The following PCDH15 variants were observed in gnomAD, a reference collection of about 807,000 sequenced individuals.
PCDH15 encodes the protein protocadherin related 15.
In PCDH15, 129 loss-of-function variants were observed where a neutral mutation model predicts 178.5. That is an observed-to-expected ratio of 0.72 (90% CI 0.63 to 0.84). The LOEUF (loss-of-function observed/expected upper bound fraction) is 0.84. Ranked by LOEUF, PCDH15 falls within the 40% of genes least tolerant of loss-of-function variation. The probability of loss-of-function intolerance (pLI) is 0.00; values close to 1 mark genes in which losing one functional copy is unlikely to be tolerated. For missense variants in PCDH15, 2,230 were observed against 2,099.9 expected, an observed-to-expected ratio of 1.06 and a Z score of -1.21; for synonymous variants, 800 against 732.0, an observed-to-expected ratio of 1.09 and a Z score of -1.50.
At position 54,922,005 on chromosome 10, in the gene PCDH15, T is replaced by C. The variant is rs115608692; in HGVS notation, c.-79-24505A>G. On this transcript the variant is annotated intron_variant, in intron 2 of 5. Transcript: ENST00000458638. ...TGAAAACTCACTCACTATCATGAGA[T>C]GAGCAAGAAGAAAATCCTAACCCAT... 7.9e-3 allele frequency among the ~76,000 whole-genome samples: 1,200 copies of C among 152,252 alleles called. 13 individuals carry two copies. The highest frequency in any genetic ancestry group is 0.027 in the African/African-American group (1,106 of 41,554).
chr10:55,263,113 A>C (rs1842190916), intron 1 of PCDH15, among the ~76,000 whole-genome samples: 1 of 152,092 alleles, frequency 6.6e-6, no homozygotes, highest in Non-Finnish European at 1.5e-5. Flanking sequence ...GGTGAATACA[A>C]ATGTGAAACT....
intron 3 of PCDH15, among the ~76,000 whole-genome samples, chr10:54,386,063 T>C (rs898005813): frequency 6.6e-6 from 1 of 151,814 alleles, no homozygotes; most frequent in Non-Finnish European, 1.5e-5. Context: ...TGTGCATTGG[T>C]TTTGTATCCT....
intron 6 of PCDH15, among the ~76,000 whole-genome samples, chr10:54,342,347 G>A (rs904886820): frequency 2.0e-5 from 3 of 152,152 alleles, no homozygotes; most frequent in African/African-American, 7.2e-5. Flanking sequence ...TGGCTAAAAT[G>A]TACAGTTCAG....
At chr10:54,300,130 A>C (rs1035709767) in intron 8 of PCDH15, among the ~76,000 whole-genome samples, 1 of 152,300 alleles carries the variant, frequency 6.6e-6, no homozygotes, top group Middle Eastern at 3.4e-3. Flanking sequence ...CTGAGAAAGG[A>C]GGACTCTGCA....
intron 3 of PCDH15, among the ~76,000 whole-genome samples, chr10:54,403,068 T>A (rs1952144315): frequency 6.6e-6 from 1 of 152,062 alleles, no homozygotes; most frequent in South Asian, 2.1e-4. Context: ...AAAAGTGCTA[T>A]TCTAGTGAAT....
At chr10:54,390,973 T>C (rs181520206) in intron 3 of PCDH15, among the ~76,000 whole-genome samples, 2 of 152,318 alleles carry the variant, frequency 1.3e-5, no homozygotes, top group South Asian at 2.1e-4. Context: ...GTTCCAAGTA[T>C]GTTGCATCTC....
chr10:55,046,478 G>T, intron 2 of PCDH15, among the ~76,000 whole-genome samples: 1 of 151,836 alleles, frequency 6.6e-6, no homozygotes, highest in East Asian at 1.9e-4. Flanking sequence ...CTGACATTGG[G>T]CCTGATCTAA....
intron 3 of PCDH15, among the ~76,000 whole-genome samples, chr10:54,427,898 T>G (rs1315656356): frequency 1.3e-5 from 2 of 152,192 alleles, no homozygotes; most frequent in East Asian, 3.9e-4. Flanking sequence ...TATTACTCTG[T>G]AGTATGAGTA....
chr10:53,840,605 A>G (rs997015411), intron 28 of PCDH15, 109 bp from the exon 29 acceptor site: 1 of 1,051,080 alleles, frequency 9.5e-7, no homozygotes, highest in Non-Finnish European at 1.4e-6. Context: ...ATGACAGCCT[A>G]GTTTTTTGTT....
chr10:55,517,928 A>T (rs1165989995), intron 2 of PCDH15, among the ~76,000 whole-genome samples: 1 of 152,140 alleles, frequency 6.6e-6, no homozygotes, highest in Non-Finnish European at 1.5e-5. Flanking sequence ...TGAGCAAAAC[A>T]GTAACATAGT....
chr10:54,860,227 G>A (rs1051011599), intron 3 of PCDH15, among the ~76,000 whole-genome samples: 1 of 152,016 alleles, frequency 6.6e-6, no homozygotes, highest in Admixed American at 6.6e-5. Flanking sequence ...GAGGATTGTG[G>A]TACAACTGAT....
chr10:55,422,443 A>G (rs1838645189), intron 2 of PCDH15, among the ~76,000 whole-genome samples: 1 of 151,906 alleles, frequency 6.6e-6, no homozygotes. Flanking sequence ...GGTTTTACCT[A>G]TATGGTATGT....
At chr10:54,500,061 T>C (rs1410876606) in intron 3 of PCDH15, among the ~76,000 whole-genome samples, 1 of 152,008 alleles carries the variant, frequency 6.6e-6, no homozygotes, top group Non-Finnish European at 1.5e-5. Context: ...CCAACACCAG[T>C]GCACTGGATA....
intron 3 of PCDH15, among the ~76,000 whole-genome samples, chr10:54,472,323 G>C (rs965678647): frequency 2.0e-5 from 3 of 150,752 alleles, no homozygotes; most frequent in Non-Finnish European, 3.0e-5. Flanking sequence ...GGGAAAACTA[G>C]ACAAATTAGT....
chr10:54,402,715 T>C (rs1239766649), intron 3 of PCDH15, among the ~76,000 whole-genome samples: 1 of 152,012 alleles, frequency 6.6e-6, no homozygotes, highest in Non-Finnish European at 1.5e-5. Context: ...TATTTTGGGA[T>C]GCCGCAAACC....
chr10:54,646,784 A>T (rs2135102255), intron 2 of PCDH15, among the ~76,000 whole-genome samples: 1 of 152,214 alleles, frequency 6.6e-6, no homozygotes, highest in African/African-American at 2.4e-5. Context: ...CAAAAATGAT[A>T]TATCACCTCA....
chr10:53,919,774 A>G (rs2083848161), intron 25 of PCDH15, among the ~76,000 whole-genome samples: 1 of 152,174 alleles, frequency 6.6e-6, no homozygotes, highest in South Asian at 2.1e-4. Flanking sequence ...TAGTGAAAAA[A>G]ATAATTTATT....
intron 3 of PCDH15, among the ~76,000 whole-genome samples, chr10:54,842,208 CAG>C (rs1564559784): frequency 6.7e-5 from 10 of 149,504 alleles, no homozygotes; most frequent in Admixed American, 1.3e-4. Context: ...GTGTGTGAGA[CAG>C]AGAGAGAGAG....
At chr10:54,288,194 T>A (rs949182086) in intron 8 of PCDH15, among the ~76,000 whole-genome samples, 1 of 151,882 alleles carries the variant, frequency 6.6e-6, no homozygotes, top group African/African-American at 2.4e-5. Context: ...TGGTGGAGTG[T>A]CTGTAGTCTC....
Sources: gnomAD v4.1 joint callset for allele counts (sites outside exome capture counted in the v4.1 genomes callset) on GRCh38, gnomAD v4.1.1 for gene constraint, MANE v1.5 for transcripts, NCBI Gene and HGNC (gene_info 2026-07-23, HGNC 2026-07-21) for gene names.